TBC1D5: variants seen among roughly 807,000 people sequenced by gnomAD.
TBC1D5 encodes TBC1 domain family, member 5.
Under a neutral mutation model 100.3 loss-of-function variants are expected in TBC1D5, and 75 were observed. The ratio of observed to expected loss-of-function variants is 0.75; its 90% CI spans 0.62 to 0.91. The LOEUF is 0.91. TBC1D5 is among the 40% of genes least tolerant of loss of function. The pLI is 0.00. For missense variants in TBC1D5, 910 were observed against 942.4 expected, an observed-to-expected ratio of 0.97 and a Z score of 0.45; for synonymous variants, 323 against 325.6, an observed-to-expected ratio of 0.99 and a Z score of 0.09.
intron 18 of TBC1D5, among the ~76,000 whole-genome samples, chr3:17,210,695 T>G (rs2125945064): frequency 6.6e-6 from 1 of 152,330 alleles, no homozygotes; most frequent in Middle Eastern, 3.4e-3. Flanking sequence ...TGGGTCAGTC[T>G]ATGGACTTTT....
intron 3 of TBC1D5, among the ~76,000 whole-genome samples, chr3:17,436,937 T>A (rs2094546754): frequency 1.3e-5 from 2 of 152,216 alleles, no homozygotes; most frequent in South Asian, 2.1e-4. Context: ...AGTTAACATG[T>A]GCTATGGTTG....
chr3:17,266,497 G>A (rs2078863603), intron 15 of TBC1D5, among the ~76,000 whole-genome samples: 1 of 151,772 alleles, frequency 6.6e-6, no homozygotes, highest in African/African-American at 2.4e-5. Context: ...ATAGTATATT[G>A]AGCTGTACCT....
chr3:17,352,761 T>C lies in TBC1D5; in HGVS notation c.995+19314A>G, dbSNP rs369922341. Among the ~76,000 whole-genome samples the C allele has an allele frequency of 2.7e-5, 4 of 149,220 alleles. No homozygotes were observed. In the South Asian group the frequency reaches 8.6e-4, roughly 32 times the overall value. The stretch of plus-strand genomic sequence containing the variant: ...TGCCCTTTTATATGCTAACTCAGAA[T>C]AGTAATTATGGATCTTGCAAGTTGA... On this transcript the variant is annotated intron_variant, in intron 13 of 21. Transcript: ENST00000253692.
intron 14 of TBC1D5, among the ~76,000 whole-genome samples, chr3:17,293,545 T>A (rs1477116989): frequency 6.6e-6 from 1 of 152,210 alleles, no homozygotes; most frequent in Non-Finnish European, 1.5e-5. Flanking sequence ...TGAGACTGAT[T>A]AATAGCAGCT....
chr3:17,727,508 A>C (rs1206304726), intron 1 of TBC1D5, among the ~76,000 whole-genome samples: 2 of 152,244 alleles, frequency 1.3e-5, no homozygotes, highest in Non-Finnish European at 2.9e-5. Flanking sequence ...AAGAAACAAT[A>C]ACAAAAGCAG....
At position 17,735,441 on chromosome 3, in the gene TBC1D5, T is replaced by G. The variant is rs138086452; in HGVS notation, c.-101+3902A>C. ...AAAGGTATATGAGGCTGGAATGAGGTATAATTGTTATGAGTGGGTCTTTGT... is the reference window on the plus strand; with the variant it reads ...AAAGGTATATGAGGCTGGAATGAGGGATAATTGTTATGAGTGGGTCTTTGT... On this transcript the variant is annotated intron_variant, in intron 1 of 21. Transcript: ENST00000253692. 5.3e-5 allele frequency among the ~76,000 whole-genome samples: 8 copies of G among 152,196 alleles called. No individual in the cohort carries two copies. In the East Asian group the frequency reaches 1.5e-3, roughly 29 times the overall value.
chr3:17,210,190 C>CTT (rs756903375), intron 18 of TBC1D5, among the ~76,000 whole-genome samples: 1 of 146,926 alleles, frequency 6.8e-6, no homozygotes, highest in Non-Finnish European at 1.5e-5. Flanking sequence ...TTTTTCAGAA[C>CTT]TTTTTTTTTT....
At chr3:17,252,185 C>T (rs535685689) in intron 16 of TBC1D5, among the ~76,000 whole-genome samples, 20 of 152,136 alleles carry the variant, frequency 1.3e-4, no homozygotes, top group African/African-American at 3.4e-4. Flanking sequence ...TATCTAGTGA[C>T]GGCTTTTTAC....
intron 2 of TBC1D5, among the ~76,000 whole-genome samples, chr3:17,512,831 T>TA (rs1384409752): frequency 1.3e-5 from 2 of 152,314 alleles, no homozygotes; most frequent in Admixed American, 1.3e-4. Flanking sequence ...AATTCCCATT[T>TA]AAAATGCAAG....
chr3:17,270,138 C>T (rs565544283), intron 15 of TBC1D5, among the ~76,000 whole-genome samples: 14 of 152,172 alleles, frequency 9.2e-5, no homozygotes, highest in African/African-American at 1.7e-4. Context: ...CCCTTTTCTC[C>T]GCAGTCTCAC....
Position 17,660,941 on chromosome 3 carries a change from T to C in TBC1D5, c.-100-37028A>G, listed in dbSNP as rs2153742489. The stretch of plus-strand genomic sequence containing the variant: ...AATAAACAACATTTTATAAACAAAT[T>C]ACAATCTTTAGAAGGCTAACGTAAG... On this transcript the variant is annotated intron_variant, in intron 1 of 21. Transcript: ENST00000253692. Among the ~76,000 whole-genome samples the C allele has an allele frequency of 1.3e-5, 2 of 152,290 alleles. 1 individual carries two copies. The highest frequency in any genetic ancestry group is 4.1e-4 in the South Asian group (2 of 4,830).
intron 2 of TBC1D5, among the ~76,000 whole-genome samples, chr3:17,519,270 T>A (rs1466209826): frequency 6.6e-6 from 1 of 152,234 alleles, no homozygotes; most frequent in African/African-American, 2.4e-5. Context: ...TTTTTCCTAA[T>A]GTCAATGGAA....
At chr3:17,460,862 T>C (rs1194741472) in intron 3 of TBC1D5, among the ~76,000 whole-genome samples, 1 of 152,050 alleles carries the variant, frequency 6.6e-6, no homozygotes, top group African/African-American at 2.4e-5. Flanking sequence ...TACTAACACA[T>C]GTAAGATTCA....
chr3:17,599,060 A>C (rs2060759760), intron 2 of TBC1D5, among the ~76,000 whole-genome samples: 1 of 152,178 alleles, frequency 6.6e-6, no homozygotes. Flanking sequence ...AAATAACAAA[A>C]GTAAGTTTAG....
intron 3 of TBC1D5, among the ~76,000 whole-genome samples, chr3:17,432,040 G>A (rs1248045619): frequency 3.9e-5 from 6 of 152,030 alleles, no homozygotes; most frequent in Non-Finnish European, 8.8e-5. Flanking sequence ...AAATAATCAC[G>A]CCTACTCAAA....
At chr3:17,712,562 A>C (rs1248987310) in intron 1 of TBC1D5, among the ~76,000 whole-genome samples, 1 of 152,202 alleles carries the variant, frequency 6.6e-6, no homozygotes, top group Non-Finnish European at 1.5e-5. Context: ...TAAATTGTTG[A>C]AAACTACTTA....
chr3:17,373,375 C>T (rs2092561851), intron 12 of TBC1D5, among the ~76,000 whole-genome samples: 1 of 152,000 alleles, frequency 6.6e-6, no homozygotes, highest in Non-Finnish European at 1.5e-5. Flanking sequence ...AACAATATAC[C>T]AAATTCTTTA....
Position 17,185,104 on chromosome 3 carries a change from C to T in TBC1D5, c.1852+5G>A. 1 of 1,610,264 alleles carries T rather than the reference C, an allele frequency of 6.2e-7. No homozygotes were observed. The highest frequency in any genetic ancestry group is 8.5e-7 in the Non-Finnish European group (1 of 1,177,512). On this transcript the variant is annotated splice_donor_5th_base_variant and intron_variant, in intron 19 of 21. Coordinates refer to ENST00000253692, the Ensembl canonical transcript of TBC1D5. ...TCGTTCCCAGGGCCAAAGTAATTCACTTACCAAGATGAGTGTCCATCACCT... is the reference window on the plus strand; with the variant it reads ...TCGTTCCCAGGGCCAAAGTAATTCATTTACCAAGATGAGTGTCCATCACCT...
At chr3:17,270,085 C>T (rs183461356) in intron 15 of TBC1D5, among the ~76,000 whole-genome samples, 2 of 152,082 alleles carry the variant, frequency 1.3e-5, no homozygotes, top group South Asian at 2.1e-4. Context: ...CTTTCCATAG[C>T]GGCTGAACTA....
Sources: allele counts gnomAD v4.1 joint callset (sites outside exome capture counted in the v4.1 genomes callset), GRCh38; gene constraint gnomAD v4.1.1; transcripts MANE v1.5; gene names NCBI Gene and HGNC (gene_info 2026-07-23, HGNC 2026-07-21).